The following LUZP2 variants were observed in gnomAD, a reference collection of about 807,000 sequenced individuals.
The protein encoded by LUZP2 is leucine zipper protein 2.
In LUZP2, 52 loss-of-function variants were observed where a neutral mutation model predicts 51.6. The observed-to-expected ratio is 1.01, with a 90% CI of 0.81 to 1.27. LUZP2 has a LOEUF of 1.27. Among genes scored for constraint, LUZP2 ranks in the 50% most tolerant of loss-of-function variants. The pLI, the probability that LUZP2 is intolerant of heterozygous loss-of-function variation, is 0.00. For missense variants in LUZP2, 436 were observed against 395.4 expected (o/e 1.10, Z -0.87); for synonymous variants, 154 against 137.3 (o/e 1.12, Z -0.85).
chr11:25,007,811 T>C (rs77595425), intron 9 of LUZP2, among the ~76,000 whole-genome samples: 3,154 of 152,254 alleles, frequency 0.021, 54 homozygotes, highest in South Asian at 0.084. Context: ...TAATCATGAA[T>C]ATATAAAATA....
chr11:24,891,509 A>T (rs1197061089), intron 5 of LUZP2: 1 of 959,530 alleles, frequency 1.0e-6, no homozygotes, highest in East Asian at 1.1e-4. Context: ...CTTTATGCGA[A>T]AATCAAAAGG....
At chr11:24,630,872 T>C (rs1854864690) in intron 1 of LUZP2, among the ~76,000 whole-genome samples, 1 of 151,966 alleles carries the variant, frequency 6.6e-6, no homozygotes, top group Non-Finnish European at 1.5e-5. Flanking sequence ...TACACTTTTT[T>C]TCATTAGTGC....
intron 5 of LUZP2, among the ~76,000 whole-genome samples, chr11:24,869,025 G>A (rs1486717): frequency 0.14 from 21,684 of 152,060 alleles, 1,613 homozygotes; most frequent in African/African-American, 0.17. Flanking sequence ...TTTGCCAGGA[G>A]TTTTTGGAAC....
chr11:24,936,255 A>G (rs1022440649), intron 7 of LUZP2, among the ~76,000 whole-genome samples: 2 of 152,228 alleles, frequency 1.3e-5, no homozygotes, highest in African/African-American at 2.4e-5. Flanking sequence ...GTCTTTTACT[A>G]GTGACAACAC....
At chr11:24,953,407 T>C (rs1221307821) in intron 7 of LUZP2, among the ~76,000 whole-genome samples, 2 of 151,960 alleles carry the variant, frequency 1.3e-5, no homozygotes, top group Non-Finnish European at 2.9e-5. Context: ...ATCTACAAAA[T>C]TTTATGCTGG....
intron 3 of LUZP2, among the ~76,000 whole-genome samples, chr11:24,736,179 T>C (rs141899954): frequency 0.014 from 2,151 of 151,882 alleles, 45 homozygotes; most frequent in African/African-American, 0.043. Context: ...AAGAAATATA[T>C]AGATAGATAC....
Position 25,068,272 on chromosome 11 carries a change from AC to A in LUZP2, c.859-9055del, listed in dbSNP as rs550719402. Among the ~76,000 whole-genome samples, 817 of 152,102 alleles carry A rather than the reference AC, an allele frequency of 5.4e-3. 9 individuals are homozygous for A. Among genetic ancestry groups the A allele is most frequent in the African/African-American group, 0.019 (779 of 41,508 alleles). On this transcript the variant is annotated intron_variant, in intron 10 of 11. Coordinates refer to ENST00000336930, the MANE Select transcript of LUZP2 (RefSeq NM_001009909.4). Reference sequence around the variant, plus strand: ...TGGCACGTGTATACCTATGTAACAAACCTGGACATTCTGTACATGTATCCCA... The same window carrying A: ...TGGCACGTGTATACCTATGTAACAAACTGGACATTCTGTACATGTATCCCA...
chr11:24,980,596 A>G (rs900349362), intron 8 of LUZP2, among the ~76,000 whole-genome samples: 1 of 151,774 alleles, frequency 6.6e-6, no homozygotes, highest in South Asian at 2.1e-4. Context: ...AGCCTTCAAA[A>G]AAGTTTGTTA....
Position 24,497,210 on chromosome 11 carries a change from C to T in LUZP2, c.-34C>T. 6.7e-7 allele frequency: 1 copy of T among 1,503,502 alleles called. No individual in the cohort carries two copies. The highest frequency in any genetic ancestry group is 9.0e-7 in the Non-Finnish European group (1 of 1,116,736). 93.1% of individuals were successfully genotyped at this position (1,503,502 alleles called of 1,614,324 possible). ...GGATCCCGAAGAGAGAGAGAGAAGGCAGCGAGGGAAGGAGGACCCCGGCAG... is the reference window on the plus strand; with the variant it reads ...GGATCCCGAAGAGAGAGAGAGAAGGTAGCGAGGGAAGGAGGACCCCGGCAG... On this transcript the variant is annotated 5_prime_UTR_variant, in exon 1 of 12. Transcript: ENST00000336930.
At chr11:24,852,607 AT>A (rs36122937) in intron 5 of LUZP2, among the ~76,000 whole-genome samples, 23,035 of 152,012 alleles carry the variant, frequency 0.15, 1,902 homozygotes, top group African/African-American at 0.2. Flanking sequence ...AATTTTGTAG[AT>A]TATCTATTAG....
intron 5 of LUZP2, among the ~76,000 whole-genome samples, chr11:24,848,949 C>T (rs1470364557): frequency 6.6e-6 from 1 of 151,952 alleles, no homozygotes; most frequent in Admixed American, 6.6e-5. Flanking sequence ...ATAATTAAGG[C>T]CATATATGAC....
At chr11:24,938,181 C>CT (rs1854643940) in intron 7 of LUZP2, among the ~76,000 whole-genome samples, 2 of 151,994 alleles carry the variant, frequency 1.3e-5, no homozygotes, top group African/African-American at 4.8e-5. Flanking sequence ...AAATCAAGTA[C>CT]TAAAGGCATA....
At chr11:24,801,929 AT>A (rs1195231243) in intron 5 of LUZP2, among the ~76,000 whole-genome samples, 8 of 151,744 alleles carry the variant, frequency 5.3e-5, no homozygotes, top group African/African-American at 1.4e-4. Context: ...TTTAACTAAA[AT>A]TTTTTGAATA....
intron 5 of LUZP2, among the ~76,000 whole-genome samples, chr11:24,832,894 C>T (rs1850742480): frequency 6.7e-6 from 1 of 149,064 alleles, no homozygotes; most frequent in Non-Finnish European, 1.5e-5. Flanking sequence ...TACTTTAGTC[C>T]CCTGTATAAT....
intron 5 of LUZP2, among the ~76,000 whole-genome samples, chr11:24,792,336 G>A (rs1345655289): frequency 2.0e-5 from 3 of 151,690 alleles, no homozygotes. Context: ...CTGAGGCAGG[G>A]GAATCTCTTG....
chr11:24,809,108 A>C (rs1163235562), intron 5 of LUZP2, among the ~76,000 whole-genome samples: 2 of 152,142 alleles, frequency 1.3e-5, no homozygotes, highest in Non-Finnish European at 2.9e-5. Context: ...GGCAATGTGG[A>C]AATGTATAAT....
intron 5 of LUZP2, among the ~76,000 whole-genome samples, chr11:24,778,908 G>A (rs1849015386): frequency 6.6e-6 from 1 of 152,168 alleles, no homozygotes; most frequent in South Asian, 2.1e-4. Context: ...GATAACATCA[G>A]TAATACCTGA....
intron 5 of LUZP2, among the ~76,000 whole-genome samples, chr11:24,857,304 C>CAT (rs1320538501): frequency 5.2e-4 from 25 of 47,772 alleles, no homozygotes; most frequent in African/African-American, 2.0e-3. Context: ...TATATATATA[C>CAT]ATATATATAC....
At chr11:24,938,051 C>G (rs934067252) in intron 7 of LUZP2, among the ~76,000 whole-genome samples, 7 of 152,038 alleles carry the variant, frequency 4.6e-5, no homozygotes, top group Non-Finnish European at 7.4e-5. Context: ...AGGGGAGAAT[C>G]AGTTTATCTC....
Sources: allele counts gnomAD v4.1 joint callset (sites outside exome capture counted in the v4.1 genomes callset), GRCh38; gene constraint gnomAD v4.1.1; transcripts MANE v1.5; gene names NCBI Gene and HGNC (gene_info 2026-07-23, HGNC 2026-07-21).